Variants in MAGEC3 observed in about 807,000 individuals in gnomAD.
MAGEC3 encodes the protein MAGE family member C3.
A neutral mutation model predicts 35.3 loss-of-function variants in MAGEC3; 34 were observed. That is an observed-to-expected ratio of 0.96 (90% confidence interval 0.73 to 1.28). The LOEUF is 1.28. MAGEC3 is among the 50% of genes most tolerant of loss of function. The probability of loss-of-function intolerance (pLI) is 0.00; values close to 1 mark genes in which losing one functional copy is unlikely to be tolerated. For synonymous variants in MAGEC3, 202 were observed against 185.6 expected (o/e 1.09, Z -0.72); for missense variants, 561 against 483.6 (o/e 1.16, Z -1.50).
Position 141,880,766 on chromosome X carries a change from G to T in MAGEC3, c.516-637G>T. 4.2e-6 allele frequency: 4 copies of T among 944,646 alleles called. No individual in the cohort carries two copies. The South Asian group carries it at 6.4e-5, about 15-fold the overall frequency. The allele number at this position is 944,646 out of a possible 1,213,427, so 77.8% of individuals were successfully genotyped here. ...CTCACATCCTCCTACAGGTTCCCAG[G>T]GGACAAACCCCCTAGGATGGCAGGT... On this transcript the variant is annotated intron_variant, in intron 3 of 7. Transcript: ENST00000298296.
intron 2 of MAGEC3, among the ~76,000 whole-genome samples, chrX:141,867,637 A>T (rs2017857698): frequency 8.9e-6 from 1 of 112,243 alleles, no homozygotes; most frequent in Non-Finnish European, 1.9e-5. Flanking sequence ...TTTTGTTAGT[A>T]ACTGTTACTG....
Position 141,895,399 on chromosome X carries a change from ATC to A in MAGEC3, c.1041_1042del (p.Pro348SerfsTer29). 1 of 1,210,437 alleles carries A rather than the reference ATC, an allele frequency of 8.3e-7. No homozygotes were observed. The highest frequency in any genetic ancestry group is 1.8e-5 in the South Asian group (1 of 56,882). ...GAGGGAAGCGTCTTAGACCTGGCCA[ATC>A]CTCAAGGTAAGGGCCCTAAGGGAGA... On this transcript the variant is annotated frameshift_variant, in exon 5 of 8. Transcript: ENST00000298296. LOFTEE classifies it high-confidence loss of function.
chrX:141,880,785 G>A lies in MAGEC3; in HGVS notation c.516-618G>A. On this transcript the variant is annotated intron_variant, in intron 3 of 7. Coordinates refer to ENST00000298296, the MANE Select transcript of MAGEC3 (RefSeq NM_138702.1). ...TCCCAGGGGACAAACCCCCTAGGAT[G>A]GCAGGTGACCCGTGAGGCCCTAGAG... 2.0e-6 allele frequency: 2 copies of A among 988,431 alleles called. 1 individual carries two copies. 81.5% of individuals were successfully genotyped at this position (988,431 alleles called of 1,213,427 possible).
At chrX:141,863,657 A>G (rs1429812731) in intron 1 of MAGEC3, among the ~76,000 whole-genome samples, 2 of 111,546 alleles carry the variant, frequency 1.8e-5, no homozygotes, top group Non-Finnish European at 3.8e-5. Context: ...ATTTTAAAAT[A>G]TGCAAGGTAT....
intron 4 of MAGEC3, among the ~76,000 whole-genome samples, chrX:141,882,546 A>G (rs1003525129): frequency 1.8e-5 from 2 of 112,278 alleles, no homozygotes; most frequent in African/African-American, 6.5e-5. Context: ...GAAATAAAGG[A>G]TGGTGAATAG....
intron 1 of MAGEC3, among the ~76,000 whole-genome samples, chrX:141,849,078 C>T (rs1043071700): frequency 9.0e-6 from 1 of 111,074 alleles, no homozygotes; most frequent in Non-Finnish European, 1.9e-5. Flanking sequence ...AACAGACACA[C>T]AGACCAATGT....
At chrX:141,849,499 C>G (rs1219426009) in intron 1 of MAGEC3, among the ~76,000 whole-genome samples, 1 of 110,866 alleles carries the variant, frequency 9.0e-6, no homozygotes, top group Non-Finnish European at 1.9e-5. Context: ...TATTTGTAAA[C>G]TATGCATCTA....
chrX:141,895,529 G>A lies in MAGEC3; in HGVS notation c.1093G>A (p.Glu365Lys), dbSNP rs773807636. The part of the protein sequence containing the change: ...RQEDGRRGLT[E>K]ASPQQKKGGE... Reference sequence around the variant, plus strand: ...GGAAGATGGCCGCCGAGGGCTGACCGAGGCGTCCCCACAACAGAAGAAGGG... The same window carrying A: ...GGAAGATGGCCGCCGAGGGCTGACCAAGGCGTCCCCACAACAGAAGAAGGG... Residue 365 changes from glutamate (E) to lysine (K), a missense_variant, in exon 6 of 8, where the codon GAG (glutamate) becomes AAG (lysine). By Grantham distance (56) the Glu-to-Lys change is moderately conservative. Coordinates refer to ENST00000298296, the MANE Select transcript of MAGEC3 (RefSeq NM_138702.1). The A allele has an allele frequency of 9.9e-6, 12 of 1,206,382 alleles. No individual in the cohort carries two copies. The highest frequency in any genetic ancestry group is 3.5e-5 in the South Asian group (2 of 56,579).
At chrX:141,852,512 A>G (rs1012317717) in intron 1 of MAGEC3, among the ~76,000 whole-genome samples, 13 of 110,431 alleles carry the variant, frequency 1.2e-4, no homozygotes, top group African/African-American at 3.9e-4. Context: ...CTTGTTTTTG[A>G]TATTAGGAGA....
intron 1 of MAGEC3, among the ~76,000 whole-genome samples, chrX:141,845,696 A>G (rs2017711995): frequency 9.0e-6 from 1 of 111,162 alleles, no homozygotes; most frequent in African/African-American, 3.3e-5. Context: ...TAGAGAAACT[A>G]ATAGAATTAG....
At chrX:141,843,756 G>A (rs977668683) in intron 1 of MAGEC3, among the ~76,000 whole-genome samples, 5 of 110,721 alleles carry the variant, frequency 4.5e-5, no homozygotes, top group East Asian at 2.9e-4. Context: ...CATACCAAGC[G>A]TGCCCCCATA....
chrX:141,896,779 T>C, intron 6 of MAGEC3, 103 bp from the exon 7 acceptor site: 3 of 1,208,492 alleles, frequency 2.5e-6, no homozygotes, highest in Non-Finnish European at 3.4e-6. Context: ...CTCCTCCACT[T>C]CCTCTTCCTC....
chrX:141,850,770 T>A (rs753652951), intron 1 of MAGEC3, among the ~76,000 whole-genome samples: 17 of 111,486 alleles, frequency 1.5e-4, no homozygotes, highest in African/African-American at 5.2e-4. Context: ...GACATCACTA[T>A]AGACTTTAAA....
rs202108223 is a variant in MAGEC3 at position 141,895,466 on chromosome X, C to G, written c.1049-19C>G. On this transcript the variant is annotated intron_variant, in intron 5 of 7. Coordinates refer to ENST00000298296, the MANE Select transcript of MAGEC3 (RefSeq NM_138702.1). Reference sequence around the variant, plus strand: ...CACCAAGGACAGAAGAAGCCCCGGTCTGCCCTGCGCTGCCATAGGACTTGC... The same window carrying G: ...CACCAAGGACAGAAGAAGCCCCGGTGTGCCCTGCGCTGCCATAGGACTTGC... 1.7e-4 allele frequency: 211 copies of G among 1,208,396 alleles called. No homozygotes were observed. In the East Asian group the frequency reaches 5.1e-3, roughly 29 times the overall value.
intron 2 of MAGEC3, among the ~76,000 whole-genome samples, chrX:141,877,955 A>G (rs1445540198): frequency 9.0e-6 from 1 of 111,650 alleles, no homozygotes; most frequent in Admixed American, 9.5e-5. Flanking sequence ...TTCTTTATTT[A>G]TTATTGAACA....
At chrX:141,883,965 T>C (rs2017984480) in intron 4 of MAGEC3, among the ~76,000 whole-genome samples, 1 of 113,486 alleles carries the variant, frequency 8.8e-6, no homozygotes, top group South Asian at 3.6e-4. Context: ...CAGGCACATG[T>C]ACAGCTGTTC....
At chrX:141,868,153 A>G (rs1246350713) in intron 2 of MAGEC3, among the ~76,000 whole-genome samples, 1 of 111,534 alleles carries the variant, frequency 9.0e-6, no homozygotes, top group Non-Finnish European at 1.9e-5. Context: ...GAAATGAAAA[A>G]AAGTATTTGG....
chrX:141,890,148 A>C, intron 4 of MAGEC3, among the ~76,000 whole-genome samples: 1 of 111,328 alleles, frequency 9.0e-6, no homozygotes, highest in Non-Finnish European at 1.9e-5. Flanking sequence ...CTTAATATGT[A>C]CATCTGTCCT....
At chrX:141,841,427 G>A (rs1403484683) in intron 1 of MAGEC3, among the ~76,000 whole-genome samples, 1 of 111,600 alleles carries the variant, frequency 9.0e-6, no homozygotes, top group African/African-American at 3.3e-5. Flanking sequence ...CATATTACCT[G>A]GGTGATGAAA....
Sources: gnomAD v4.1 joint callset for allele counts (sites outside exome capture counted in the v4.1 genomes callset) on GRCh38, gnomAD v4.1.1 for gene constraint, MANE v1.5 for transcripts, NCBI Gene and HGNC (gene_info 2026-07-23, HGNC 2026-07-21) for gene names.